Variants in RASGEF1C observed in about 807,000 individuals in gnomAD.
RASGEF1C encodes the protein ras-GEF domain-containing family member 1C.
Under a neutral mutation model 58.1 loss-of-function variants are expected in RASGEF1C, and 27 were observed. The observed-to-expected ratio is 0.46, with a 90% CI of 0.34 to 0.64. The LOEUF (loss-of-function observed/expected upper bound fraction) is 0.64. RASGEF1C is among the 30% of genes least tolerant of loss of function. The pLI is 0.01. For missense variants in RASGEF1C, 502 were observed against 605.1 expected, an observed-to-expected ratio of 0.83 and a Z score of 1.79; for synonymous variants, 243 against 246.3, an observed-to-expected ratio of 0.99 and a Z score of 0.13.
chr5:180,175,190 T>C (rs1005564700), intron 1 of RASGEF1C, among the ~76,000 whole-genome samples: 1 of 152,146 alleles, frequency 6.6e-6, no homozygotes, highest in African/African-American at 2.4e-5. Context: ...ATGGGCAACT[T>C]TGCAGAAGCC....
chr5:180,133,557 C>T (rs1351734597), intron 4 of RASGEF1C, among the ~76,000 whole-genome samples: 2 of 152,224 alleles, frequency 1.3e-5, no homozygotes, highest in Non-Finnish European at 2.9e-5. Flanking sequence ...CAATATCTTG[C>T]ACACAGCACT....
At chr5:180,208,008 C>T (rs906233082) in intron 1 of RASGEF1C, among the ~76,000 whole-genome samples, 2 of 152,176 alleles carry the variant, frequency 1.3e-5, no homozygotes, top group Non-Finnish European at 1.5e-5. Context: ...TGAGCACTTA[C>T]GGGGGCAGGC....
chr5:180,118,018 C>G (rs763910376), intron 10 of RASGEF1C, among the ~76,000 whole-genome samples: 2 of 142,578 alleles, frequency 1.4e-5, no homozygotes, highest in Non-Finnish European at 3.0e-5. Flanking sequence ...AAAAAAAATA[C>G]GAGCTGTGAA....
intron 1 of RASGEF1C, among the ~76,000 whole-genome samples, chr5:180,172,364 A>G (rs1767125391): frequency 6.6e-6 from 1 of 152,038 alleles, no homozygotes; most frequent in Non-Finnish European, 1.5e-5. Context: ...CTGGCCTGGG[A>G]TGCCCAGCTC....
In RASGEF1C at chr5:180,118,607, ACCTTCTCTCGGCTGCTGTGGG is replaced by A. The variant is rs752642323; in HGVS notation, c.1064_1083+1del. On this transcript the variant is annotated splice_donor_variant and coding_sequence_variant, in exon 10 of 14. Coordinates refer to ENST00000361132, the MANE Select transcript of RASGEF1C (RefSeq NM_175062.4). LOFTEE classifies it high-confidence loss of function. Reference sequence around the variant, plus strand: ...CCCTGGGCCAACGTGGCCCCGACCTACCTTCTCTCGGCTGCTGTGGGCCGTCAGGGAGCGGTGGGCCGCCCC... The same window carrying A: ...CCCTGGGCCAACGTGGCCCCGACCTACCGTCAGGGAGCGGTGGGCCGCCCC... The A allele has an allele frequency of 1.9e-6, 3 of 1,606,272 alleles. No homozygotes were observed. The highest frequency in any genetic ancestry group is 1.7e-5 in the Admixed American group (1 of 59,214).
chr5:180,131,367 A>T (rs1300468055), intron 4 of RASGEF1C, among the ~76,000 whole-genome samples: 1 of 135,920 alleles, frequency 7.4e-6, no homozygotes, highest in African/African-American at 2.8e-5. Flanking sequence ...CACCCTCCCC[A>T]TGTCCCCACT....
chr5:180,207,496 C>T (rs569928992), intron 1 of RASGEF1C, among the ~76,000 whole-genome samples: 2 of 152,260 alleles, frequency 1.3e-5, no homozygotes, highest in South Asian at 4.1e-4. Context: ...CAGAGACTGG[C>T]GGGGACATGG....
At chr5:180,194,093 G>T (rs140648508) in intron 1 of RASGEF1C, among the ~76,000 whole-genome samples, 1 of 151,946 alleles carries the variant, frequency 6.6e-6, no homozygotes, top group African/African-American at 2.4e-5. Context: ...GCCTGGATGC[G>T]GTGTGACCTT....
At chr5:180,174,208 T>C (rs1767171509) in intron 1 of RASGEF1C, among the ~76,000 whole-genome samples, 1 of 152,118 alleles carries the variant, frequency 6.6e-6, no homozygotes, top group Non-Finnish European at 1.5e-5. Context: ...TTTAAATACT[T>C]CTCATTCTTG....
intron 4 of RASGEF1C, among the ~76,000 whole-genome samples, chr5:180,129,099 A>C (rs1373561133): frequency 1.3e-5 from 2 of 152,158 alleles, no homozygotes; most frequent in African/African-American, 2.4e-5. Context: ...TGGGAGAGAG[A>C]CAGGAGGTCA....
intron 6 of RASGEF1C, among the ~76,000 whole-genome samples, chr5:180,127,110 G>T (rs568018260): frequency 2.0e-5 from 3 of 152,326 alleles, no homozygotes; most frequent in African/African-American, 7.2e-5. Flanking sequence ...TCCCAGAAGG[G>T]CGGGATCGAA....
intron 10 of RASGEF1C, among the ~76,000 whole-genome samples, chr5:180,117,368 A>G (rs1766086488): frequency 6.6e-6 from 1 of 152,216 alleles, no homozygotes. Context: ...GCTTCCCTCC[A>G]GTGCAATTCC....
intron 1 of RASGEF1C, among the ~76,000 whole-genome samples, chr5:180,175,162 G>A (rs1767202437): frequency 6.6e-6 from 1 of 152,190 alleles, no homozygotes; most frequent in Non-Finnish European, 1.5e-5. Flanking sequence ...CAAGTCCTGT[G>A]TAAGAGGTCA....
Position 180,136,455 on chromosome 5 carries a change from A to T in RASGEF1C, c.361T>A (p.Phe121Ile). The change falls in exon 4 of 14, where the codon TTC becomes ATC. Residue 121 changes from phenylalanine (F) to isoleucine (I), a missense_variant. Phe to Ile is a conservative substitution (Grantham distance 21). Coordinates refer to ENST00000361132, the MANE Select transcript of RASGEF1C (RefSeq NM_175062.4). ...GACTCTTCCTGGAAGTCCCTTGGGAAGGTCTCGGTCCACTCGGCCAACAGC... is the reference window on the plus strand; with the variant it reads ...GACTCTTCCTGGAAGTCCCTTGGGATGGTCTCGGTCCACTCGGCCAACAGC... Reference protein sequence around the residue: ...LQLLAEWTETFPRDFQEESTI... With the variant: ...LQLLAEWTETIPRDFQEESTI... 3.8e-6 allele frequency: 6 copies of T among 1,561,598 alleles called. No homozygotes were observed. Among genetic ancestry groups the T allele is most frequent in the Non-Finnish European group, 5.2e-6 (6 of 1,152,568 alleles).
intron 1 of RASGEF1C, among the ~76,000 whole-genome samples, chr5:180,159,738 A>G (rs1766907962): frequency 6.6e-6 from 1 of 152,154 alleles, no homozygotes; most frequent in African/African-American, 2.4e-5. Context: ...TGGCTTTCTG[A>G]GGTCTGCTCT....
chr5:180,176,225 G>A (rs1293177150), intron 1 of RASGEF1C, among the ~76,000 whole-genome samples: 2 of 152,224 alleles, frequency 1.3e-5, no homozygotes, highest in Non-Finnish European at 2.9e-5. Context: ...GAGCAGGTGG[G>A]CCCTGGAGGC....
rs1008324425 is a variant in RASGEF1C at position 180,158,812 on chromosome 5, ACTTT to A, written c.-6-20758_-6-20755del. 6.6e-5 allele frequency among the ~76,000 whole-genome samples: 10 copies of A among 152,058 alleles called. No individual in the cohort carries two copies. Among genetic ancestry groups the A allele is most frequent in the Admixed American group, 6.5e-4 (10 of 15,280 alleles). Reference sequence around the variant, plus strand: ...ATCTCGTGCCCTTCAGTGCTGGAAAACTTTCTTAAATCATTTCACAGATGGTTTC... The same window carrying A: ...ATCTCGTGCCCTTCAGTGCTGGAAAACTTAAATCATTTCACAGATGGTTTC... On this transcript the variant is annotated intron_variant, in intron 1 of 13. Coordinates refer to ENST00000361132, the MANE Select transcript of RASGEF1C (RefSeq NM_175062.4). The surrounding 1 kb of genome is among the most constrained non-coding windows in gnomAD (Gnocchi z 4.0).
At chr5:180,175,250 C>T (rs926100917) in intron 1 of RASGEF1C, among the ~76,000 whole-genome samples, 2 of 152,222 alleles carry the variant, frequency 1.3e-5, no homozygotes, top group Non-Finnish European at 2.9e-5. Flanking sequence ...CGGGGAAAGG[C>T]GTTTCTGTGC....
At chr5:180,169,343 C>T (rs923885463) in intron 1 of RASGEF1C, among the ~76,000 whole-genome samples, 2 of 152,194 alleles carry the variant, frequency 1.3e-5, no homozygotes, top group African/African-American at 2.4e-5. Context: ...CACCTCGCCT[C>T]GGAGTAAGGG....
Sources: allele counts gnomAD v4.1 joint callset (sites outside exome capture counted in the v4.1 genomes callset), GRCh38; gene constraint gnomAD v4.1.1; non-coding constraint Gnocchi (gnomAD v3.1); transcripts MANE v1.5; gene names NCBI Gene and HGNC (gene_info 2026-07-23, HGNC 2026-07-21).